The following TENM3 variants were observed in gnomAD, a reference collection of about 807,000 sequenced individuals.
TENM3 encodes the protein teneurin-3.
Under a neutral mutation model 255.1 loss-of-function variants are expected in TENM3, and 63 were observed. That is an observed-to-expected ratio of 0.25 (90% CI 0.20 to 0.30). The LOEUF (loss-of-function observed/expected upper bound fraction) is 0.30. Ranked by LOEUF, TENM3 falls within the 10% of genes least tolerant of loss-of-function variation. TENM3 has a pLI of 1.00. For missense variants in TENM3, 2,929 were observed against 3,461.1 expected, an observed-to-expected ratio of 0.85 and a Z score of 3.86; for synonymous variants, 1,306 against 1,322.3, an observed-to-expected ratio of 0.99 and a Z score of 0.27.
the TENM3 span, among the ~76,000 whole-genome samples, chr4:181,723,417 A>C: frequency 6.6e-6 from 1 of 151,584 alleles, no homozygotes; most frequent in Admixed American, 6.6e-5. Context: ...TTTTTGGTAG[A>C]GCACATTTCC....
the TENM3 span, among the ~76,000 whole-genome samples, chr4:181,604,606 C>T: frequency 2.0e-5 from 3 of 152,210 alleles, no homozygotes; most frequent in South Asian, 2.1e-4. Flanking sequence ...GGAGTGCCCA[C>T]GCCAGAGTGT....
At chr4:181,501,554 A>G in the TENM3 span, among the ~76,000 whole-genome samples, 3 of 151,726 alleles carry the variant, frequency 2.0e-5, no homozygotes, top group Non-Finnish European at 4.4e-5. Flanking sequence ...ATTGTTTTGT[A>G]TTTTTAGTAG....
intron 1 of TENM3, among the ~76,000 whole-genome samples, chr4:182,319,497 A>T (rs2150472785): frequency 6.6e-6 from 1 of 152,348 alleles, no homozygotes; most frequent in Non-Finnish European, 1.5e-5. Flanking sequence ...CTAAGATCAA[A>T]TTGCCTCGAT....
At chr4:181,883,503 C>T in the TENM3 span, among the ~76,000 whole-genome samples, 1 of 152,168 alleles carries the variant, frequency 6.6e-6, no homozygotes, top group East Asian at 1.9e-4. Flanking sequence ...CGGAGTCTCG[C>T]TCTGTCTGTC....
the TENM3 span, among the ~76,000 whole-genome samples, chr4:182,020,449 A>G: frequency 1.3e-5 from 2 of 152,266 alleles, no homozygotes; most frequent in Non-Finnish European, 1.5e-5. Flanking sequence ...TAAAAAAGTT[A>G]CAACTAGATA....
chr4:181,490,702 T>G, the TENM3 span, among the ~76,000 whole-genome samples: 1 of 152,190 alleles, frequency 6.6e-6, no homozygotes, highest in African/African-American at 2.4e-5. Context: ...TGGTAAGAAT[T>G]ATAATAATGT....
At chr4:181,893,806 C>G in the TENM3 span, among the ~76,000 whole-genome samples, 1 of 152,102 alleles carries the variant, frequency 6.6e-6, no homozygotes, top group Non-Finnish European at 1.5e-5. Context: ...AAGACAGTCC[C>G]ACACTATACA....
chr4:182,665,095 G>A (rs942452518), intron 6 of TENM3, among the ~76,000 whole-genome samples: 2 of 152,168 alleles, frequency 1.3e-5, no homozygotes, highest in African/African-American at 4.8e-5. Flanking sequence ...AGCTAGAGAG[G>A]AGAAGTCAAG....
At chr4:182,506,892 C>T (rs1333680052) in intron 3 of TENM3, among the ~76,000 whole-genome samples, 1 of 152,038 alleles carries the variant, frequency 6.6e-6, no homozygotes, top group Non-Finnish European at 1.5e-5. Context: ...AGATCACTGG[C>T]CTTTATTATC....
At chr4:182,109,973 A>C in the TENM3 span, among the ~76,000 whole-genome samples, 1 of 152,144 alleles carries the variant, frequency 6.6e-6, no homozygotes, top group South Asian at 2.1e-4. Flanking sequence ...AAAATGAATA[A>C]AATGTGACAT....
chr4:182,223,339 A>G lies in TENM3; in HGVS notation c.-76+78585A>G, dbSNP rs1412908042. ...ACATAAAATCAGTACTGGATTTCATATACAACAAAAATGTTAGAGATTTCA... is the reference window on the plus strand; with the variant it reads ...ACATAAAATCAGTACTGGATTTCATGTACAACAAAAATGTTAGAGATTTCA... On this transcript the variant is annotated intron_variant, in intron 1 of 2. Transcript: ENST00000512480. Among the ~76,000 whole-genome samples the G allele has an allele frequency of 2.0e-5, 3 of 152,214 alleles. No individual in the cohort carries two copies. The East Asian group carries it at 5.8e-4, about 29-fold the overall frequency.
chr4:182,707,997 T>G (rs2152660934), intron 12 of TENM3: 1 of 150,182 alleles, frequency 6.7e-6, no homozygotes, highest in Non-Finnish European at 1.5e-5. Flanking sequence ...ACCTTTTTTT[T>G]TTTCTTTTTT....
chr4:182,682,504 A>C lies in TENM3; in HGVS notation c.2035+490A>C, dbSNP rs1249073334. ...ATCATAATAACATGGTTATAATAGA[A>C]ATAAGACAAGGTAATTTCATTCAAT... is the stretch of plus-strand genomic sequence containing the variant. On this transcript the variant is annotated intron_variant, in intron 11 of 27. Coordinates refer to ENST00000511685, the MANE Select transcript of TENM3 (RefSeq NM_001080477.4). Among the ~76,000 whole-genome samples, 6 of 152,254 alleles carry C rather than the reference A, an allele frequency of 3.9e-5. No homozygotes were observed. In the East Asian group the frequency reaches 1.2e-3, roughly 29 times the overall value.
chr4:181,792,755 G>A, the TENM3 span, among the ~76,000 whole-genome samples: 17 of 152,086 alleles, frequency 1.1e-4, no homozygotes, highest in East Asian at 3.1e-3. Flanking sequence ...ATTTGCACTT[G>A]TTTTCAAAAC....
At chr4:182,101,100 G>GGAAAGA in the TENM3 span, among the ~76,000 whole-genome samples, 4 of 10,172 alleles carry the variant, frequency 3.9e-4, 1 homozygote, top group Non-Finnish European at 5.5e-4. Flanking sequence ...GGGAGGGAGG[G>GGAAAGA]AGGGAGGAAG....
intron 3 of TENM3, among the ~76,000 whole-genome samples, chr4:182,430,634 C>T (rs1021576129): frequency 6.6e-6 from 1 of 152,148 alleles, no homozygotes; most frequent in Non-Finnish European, 1.5e-5. Flanking sequence ...CCTGAAGGCA[C>T]GCTGCTCATG....
chr4:181,921,130 A>C, the TENM3 span, among the ~76,000 whole-genome samples: 3 of 152,106 alleles, frequency 2.0e-5, no homozygotes, highest in Non-Finnish European at 4.4e-5. Context: ...TGTTTTGGTT[A>C]CTGTAGGCTT....
At chr4:182,449,287 C>G (rs1332549305) in intron 3 of TENM3, among the ~76,000 whole-genome samples, 1 of 125,764 alleles carries the variant, frequency 8.0e-6, no homozygotes, top group African/African-American at 3.0e-5. Flanking sequence ...GGGTTTGAAT[C>G]GGTGCGGAGG....
intron 5 of TENM3, among the ~76,000 whole-genome samples, chr4:182,640,030 C>T (rs779230200): frequency 1.8e-4 from 27 of 152,138 alleles, no homozygotes; most frequent in Non-Finnish European, 3.7e-4. Context: ...GCGGAGGTTG[C>T]GGTGAGCTGA....
Sources: gnomAD v4.1 joint callset for allele counts (sites outside exome capture counted in the v4.1 genomes callset) on GRCh38, gnomAD v4.1.1 for gene constraint, MANE v1.5 for transcripts, NCBI Gene and HGNC (gene_info 2026-07-23, HGNC 2026-07-21) for gene names.